Variants in CREG1 observed in about 807,000 individuals in gnomAD.
The protein encoded by CREG1 is cellular repressor of E1A stimulated genes 1, also known as protein CREG1.
CREG1 carries 20 observed loss-of-function variants against 19.9 expected under a neutral mutation model. That is an observed-to-expected ratio of 1.01 (90% CI 0.71 to 1.46). CREG1 has a LOEUF of 1.46. CREG1 is among the 40% of genes most tolerant of loss of function. The pLI is 0.00. For synonymous variants in CREG1, 141 were observed against 143.3 expected (o/e 0.98, Z 0.12); for missense variants, 290 against 314.9 (o/e 0.92, Z 0.60).
chr1:167,553,086 A>ATT (rs1173050515), intron 1 of CREG1, among the ~76,000 whole-genome samples: 1 of 151,912 alleles, frequency 6.6e-6, no homozygotes, highest in Non-Finnish European at 1.5e-5. Context: ...GAGCACAGTT[A>ATT]ATAGAGACAC....
At chr1:167,545,077 C>G (rs1328438478) in intron 3 of CREG1, among the ~76,000 whole-genome samples, 1 of 152,184 alleles carries the variant, frequency 6.6e-6, no homozygotes, top group Non-Finnish European at 1.5e-5. Flanking sequence ...CCCTTCCATG[C>G]ACTTCTTAGT....
At chr1:167,544,087 A>G (rs1001326375) in intron 3 of CREG1, among the ~76,000 whole-genome samples, 2 of 152,228 alleles carry the variant, frequency 1.3e-5, no homozygotes, top group Non-Finnish European at 2.9e-5. Flanking sequence ...CCAGGGAATA[A>G]AGTTGTAATT....
chr1:167,543,247 A>T (rs1444067712), intron 3 of CREG1, among the ~76,000 whole-genome samples: 1 of 4,498 alleles, frequency 2.2e-4, no homozygotes, highest in Non-Finnish European at 4.3e-4. Flanking sequence ...ACTCCATCTC[A>T]AAAAAAAAAA....
chr1:167,553,328 G>A (rs561147116), intron 1 of CREG1, 60 bp downstream of exon 1: 19 of 1,227,456 alleles, frequency 1.5e-5, no homozygotes, highest in East Asian at 9.5e-5. Flanking sequence ...GAGAGTGAAG[G>A]CTCGCTCTGT....
At chr1:167,542,354 T>C in intron 3 of CREG1, 53 bp from the exon 4 acceptor site, 6 of 1,535,600 alleles carry the variant, frequency 3.9e-6, no homozygotes, top group Non-Finnish European at 5.3e-6. Context: ...TAACAAATCT[T>C]AAAAATTAAT....
At chr1:167,549,438 G>A (rs1656385412) in intron 1 of CREG1, among the ~76,000 whole-genome samples, 1 of 150,942 alleles carries the variant, frequency 6.6e-6, no homozygotes, top group Non-Finnish European at 1.5e-5. Flanking sequence ...AGGCTGGAGT[G>A]CAGTGGTGCG....
In CREG1 at chr1:167,553,555, T is replaced by A; in HGVS notation, c.187A>T (p.Thr63Ser). The stretch of plus-strand genomic sequence containing the variant: ...AGAGCGCCCCAGTCGGAGACGTGCG[T>A]CACGAAGCGGGCCACGCGCGCCGCG... ...EDAARVARFV[T>S]HVSDWGALAT... is the part of the protein sequence containing the mutation. The change falls in exon 1 of 4, where the codon ACG (threonine) becomes TCG (serine). Residue 63 changes from threonine to serine, a missense_variant. Thr to Ser is a moderately conservative substitution (Grantham distance 58). Coordinates refer to ENST00000370509, the MANE Select transcript of CREG1 (RefSeq NM_003851.3). The A allele has an allele frequency of 6.8e-7, 1 of 1,468,404 alleles. No individual in the cohort carries two copies. The highest frequency in any genetic ancestry group is 9.0e-7 in the Non-Finnish European group (1 of 1,116,604). 91.0% of individuals were successfully genotyped at this position (1,468,404 alleles called of 1,614,324 possible). A position where few individuals can be genotyped will look rare whatever the true frequency, so the allele number is the denominator to read the frequency against.
intron 3 of CREG1, among the ~76,000 whole-genome samples, chr1:167,543,473 T>C (rs898040426): frequency 6.6e-6 from 1 of 150,942 alleles, no homozygotes; most frequent in Non-Finnish European, 1.5e-5. Context: ...GGAGGAATAA[T>C]ACCTTCCAAA....
chr1:167,542,464 A>C (rs768647347), intron 3 of CREG1, among the ~76,000 whole-genome samples, 163 bp from the exon 4 acceptor site: 5 of 152,244 alleles, frequency 3.3e-5, no homozygotes, highest in Non-Finnish European at 5.9e-5. Flanking sequence ...GGGTTTGTTA[A>C]AATGCAGACT....
chr1:167,547,555 T>C (rs1210731023), intron 2 of CREG1, among the ~76,000 whole-genome samples: 1 of 152,216 alleles, frequency 6.6e-6, no homozygotes, highest in Non-Finnish European at 1.5e-5. Context: ...TTCATGGAAT[T>C]ACTTCACCTA....
At chr1:167,544,486 G>A (rs12042693) in intron 3 of CREG1, among the ~76,000 whole-genome samples, 10,301 of 151,928 alleles carry the variant, frequency 0.068, 443 homozygotes, top group Middle Eastern at 0.13. Flanking sequence ...TATCATCACC[G>A]TAATCTCCTG....
intron 1 of CREG1, among the ~76,000 whole-genome samples, chr1:167,551,115 A>G (rs145138705): frequency 5.7e-4 from 87 of 152,332 alleles, no homozygotes; most frequent in African/African-American, 2.1e-3. Flanking sequence ...ACAGACATTT[A>G]CTATACAAAA....
intron 1 of CREG1, among the ~76,000 whole-genome samples, 193 bp from the exon 2 acceptor site, chr1:167,548,314 C>T (rs932929050): frequency 2.0e-5 from 3 of 152,174 alleles, no homozygotes; most frequent in Non-Finnish European, 2.9e-5. Context: ...AAAGGGGGTG[C>T]GGGGGTTCAT....
At chr1:167,553,220 C>T (rs1464502949) in intron 1 of CREG1, among the ~76,000 whole-genome samples, 168 bp downstream of exon 1, 2 of 152,178 alleles carry the variant, frequency 1.3e-5, no homozygotes, top group Admixed American at 6.5e-5. Flanking sequence ...ACCCAGCTGC[C>T]CAACATCTGG....
intron 1 of CREG1, among the ~76,000 whole-genome samples, chr1:167,549,950 G>C (rs1198253923): frequency 6.6e-6 from 1 of 152,106 alleles, no homozygotes; most frequent in Non-Finnish European, 1.5e-5. Flanking sequence ...GCCTTCCAAA[G>C]TGTTGGGATT....
At position 167,553,598 on chromosome 1, in the gene CREG1, C is replaced by A; in HGVS notation, c.144G>T (p.Pro48=). 2.1e-6 allele frequency: 3 copies of A among 1,414,556 alleles called. No individual in the cohort carries two copies. Among genetic ancestry groups the A allele is most frequent in the Admixed American group, 3.0e-5 (1 of 33,140 alleles). 87.6% of individuals were successfully genotyped at this position (1,414,556 alleles called of 1,614,324 possible). The change falls in exon 1 of 4, where the codon CCG becomes CCT. Residue 48 remains proline, a synonymous_variant. Transcript: ENST00000370509. ...GCGCCGCGTCCTCGCGGGGTGGTAGCGGCGGCAGCCGGGAGGCCTCGTCCC... is the reference window on the plus strand; with the variant it reads ...GCGCCGCGTCCTCGCGGGGTGGTAGAGGCGGCAGCCGGGAGGCCTCGTCCC... ...GDWDEASRLP[P]LPPREDAARV...
At chr1:167,547,675 C>A (rs1452652068) in intron 2 of CREG1, among the ~76,000 whole-genome samples, 1 of 152,150 alleles carries the variant, frequency 6.6e-6, no homozygotes, top group Non-Finnish European at 1.5e-5. Context: ...AATCTCAGCA[C>A]TTTGGGAGGT....
At chr1:167,553,303 G>T in intron 1 of CREG1, 85 bp downstream of exon 1, 1 of 1,087,282 alleles carries the variant, frequency 9.2e-7, no homozygotes, top group Non-Finnish European at 1.2e-6. Context: ...TCCACTTCCC[G>T]GGAAGAATTC....
At chr1:167,546,719 C>T (rs1656333920) in intron 2 of CREG1, among the ~76,000 whole-genome samples, 1 of 151,888 alleles carries the variant, frequency 6.6e-6, no homozygotes, top group African/African-American at 2.4e-5. Context: ...TGATCTTAAC[C>T]TTAAGGAATC....
Sources: gnomAD v4.1 joint callset for allele counts (sites outside exome capture counted in the v4.1 genomes callset) on GRCh38, gnomAD v4.1.1 for gene constraint, MANE v1.5 for transcripts, NCBI Gene and HGNC (gene_info 2026-07-23, HGNC 2026-07-21) for gene names.